The following DTWD2 variants were observed in gnomAD, a reference collection of about 807,000 sequenced individuals.
The protein encoded by DTWD2 is DTW motif tRNA-uridine aminocarboxypropyltransferase 2.
In DTWD2, 39 loss-of-function variants were observed where a neutral mutation model predicts 31.8. The ratio of observed to expected loss-of-function variants is 1.22; its 90% CI spans 0.95 to 1.60. The LOEUF is 1.60. DTWD2 is among the 40% of genes most tolerant of loss of function. The pLI is 0.00. For synonymous variants in DTWD2, 180 were observed against 142.8 expected, an observed-to-expected ratio of 1.26 and a Z score of -1.86; for missense variants, 515 against 381.5, an observed-to-expected ratio of 1.35 and a Z score of -2.92.
chr5:118,966,591 ACAT>A (rs1754855150), intron 1 of DTWD2, among the ~76,000 whole-genome samples: 2 of 152,350 alleles, frequency 1.3e-5, no homozygotes, highest in Middle Eastern at 3.4e-3. Flanking sequence ...TATCTTTAGT[ACAT>A]TACATAAGGC....
intron 4 of DTWD2, among the ~76,000 whole-genome samples, chr5:118,905,083 C>A (rs754815187): frequency 6.6e-6 from 1 of 152,114 alleles, no homozygotes; most frequent in Non-Finnish European, 1.5e-5. Context: ...CTAACAACTG[C>A]ATATGTATGT....
chr5:118,840,671 G>A lies in DTWD2; in HGVS notation c.*246C>T. The A allele has an allele frequency of 3.5e-6, 1 of 283,614 alleles. No homozygotes were observed. The highest frequency in any genetic ancestry group is 1.1e-3 in the Middle Eastern group (1 of 914). The allele number at this position is 283,614 out of a possible 1,614,324, so 17.6% of individuals were successfully genotyped here. Reference sequence around the variant, plus strand: ...CAAATCATATTTTAAATTTGGGTTTGAAAACATGTATTAGAGGCACATTTT... The same window carrying A: ...CAAATCATATTTTAAATTTGGGTTTAAAAACATGTATTAGAGGCACATTTT... On this transcript the variant is annotated 3_prime_UTR_variant, in exon 6 of 6. Transcript: ENST00000510708.
intron 1 of DTWD2, among the ~76,000 whole-genome samples, chr5:118,965,744 T>C (rs570711165): frequency 6.6e-6 from 1 of 152,126 alleles, no homozygotes; most frequent in South Asian, 2.1e-4. Context: ...GGCAGCATGC[T>C]CGTTAAGAGT....
At chr5:118,919,937 T>C (rs902963727) in intron 4 of DTWD2, among the ~76,000 whole-genome samples, 37 of 152,270 alleles carry the variant, frequency 2.4e-4, no homozygotes, top group African/African-American at 8.7e-4. Context: ...GAAACAGTAG[T>C]AGAAAACTAG....
intron 3 of DTWD2, among the ~76,000 whole-genome samples, chr5:118,934,272 T>TAAAAAAAAAAA (rs397999089): frequency 1.7e-4 from 4 of 23,562 alleles, no homozygotes; most frequent in African/African-American, 3.3e-4. Flanking sequence ...TTGTCTCCAT[T>TAAAAAAAAAAA]AAAAAAAAAA....
chr5:118,868,878 G>T (rs900854458), intron 4 of DTWD2, among the ~76,000 whole-genome samples: 1 of 151,188 alleles, frequency 6.6e-6, no homozygotes, highest in Non-Finnish European at 1.5e-5. Context: ...TGGGAGGGGA[G>T]GAGATTTTGG....
chr5:118,857,816 A>C (rs1580769888), intron 4 of DTWD2, among the ~76,000 whole-genome samples: 1 of 152,326 alleles, frequency 6.6e-6, no homozygotes, highest in East Asian at 1.9e-4. Flanking sequence ...TGAAGTACAC[A>C]GAAGTCTTTC....
At chr5:118,905,058 A>G (rs1438860789) in intron 4 of DTWD2, among the ~76,000 whole-genome samples, 1 of 152,124 alleles carries the variant, frequency 6.6e-6, no homozygotes, top group Non-Finnish European at 1.5e-5. Context: ...ATCTCAAAAG[A>G]CAGAGCAACC....
chr5:118,977,271 C>T (rs765853205), intron 1 of DTWD2, among the ~76,000 whole-genome samples: 16 of 152,078 alleles, frequency 1.1e-4, no homozygotes, highest in African/African-American at 2.7e-4. Flanking sequence ...CTTTGAAGAT[C>T]GGCACAAGAC....
chr5:118,902,365 G>A (rs183952142), intron 4 of DTWD2, among the ~76,000 whole-genome samples: 56 of 152,066 alleles, frequency 3.7e-4, no homozygotes, highest in African/African-American at 1.2e-3. Flanking sequence ...AAATTATAGC[G>A]CACATGAATA....
intron 4 of DTWD2, among the ~76,000 whole-genome samples, chr5:118,907,331 C>T (rs917513415): frequency 6.6e-6 from 1 of 152,044 alleles, no homozygotes; most frequent in African/African-American, 2.4e-5. Context: ...AGAAACAGAA[C>T]TATTAGGATA....
chr5:118,891,375 C>T (rs1057417148), intron 4 of DTWD2, among the ~76,000 whole-genome samples: 2 of 152,090 alleles, frequency 1.3e-5, no homozygotes, highest in African/African-American at 2.4e-5. Flanking sequence ...ATGCCAAGCA[C>T]GCCTGCTATG....
At chr5:118,909,274 C>G (rs1193840880) in intron 4 of DTWD2, among the ~76,000 whole-genome samples, 1 of 152,192 alleles carries the variant, frequency 6.6e-6, no homozygotes, top group Non-Finnish European at 1.5e-5. Context: ...TGGAGAAACT[C>G]AACTCAACAG....
rs115939531 is a variant in DTWD2 at position 118,850,350 on chromosome 5, C to T, written c.598-2132G>A. Among the ~76,000 whole-genome samples, 933 of 147,362 alleles carry T rather than the reference C, an allele frequency of 6.3e-3. 16 individuals carry two copies. Among genetic ancestry groups the T allele is most frequent in the African/African-American group, 0.022 (876 of 40,082 alleles). On this transcript the variant is annotated intron_variant, in intron 4 of 5. Coordinates refer to ENST00000510708, the MANE Select transcript of DTWD2 (RefSeq NM_173666.4). ...AAAACATTGCCAGGTGTGGTGCATG[C>T]GCCTATAATCCCAGCTACTTGGGAG...
At chr5:118,984,941 T>C (rs1755390357) in intron 1 of DTWD2, among the ~76,000 whole-genome samples, 1 of 152,124 alleles carries the variant, frequency 6.6e-6, no homozygotes, top group South Asian at 2.1e-4. Context: ...TTTTATAAAA[T>C]AAAAAAGTAT....
intron 1 of DTWD2, among the ~76,000 whole-genome samples, chr5:118,972,607 C>T (rs1755013038): frequency 6.6e-6 from 1 of 152,168 alleles, no homozygotes; most frequent in African/African-American, 2.4e-5. Flanking sequence ...AGAAGGAACT[C>T]CTCCCAAACT....
At chr5:118,852,115 C>G (rs575637215) in intron 4 of DTWD2, among the ~76,000 whole-genome samples, 6 of 152,126 alleles carry the variant, frequency 3.9e-5, no homozygotes, top group African/African-American at 1.4e-4. Context: ...CCTACTTGCA[C>G]CTCCGTTTAT....
chr5:118,915,475 C>T (rs1431524823), intron 4 of DTWD2, among the ~76,000 whole-genome samples: 1 of 151,370 alleles, frequency 6.6e-6, no homozygotes, highest in African/African-American at 2.4e-5. Flanking sequence ...CCCAGGTTCA[C>T]GCCATTCTCC....
At chr5:118,851,405 C>T (rs1329016945) in intron 4 of DTWD2, among the ~76,000 whole-genome samples, 3 of 151,804 alleles carry the variant, frequency 2.0e-5, no homozygotes, top group African/African-American at 7.3e-5. Context: ...GACCGTGATG[C>T]CCACCTGAGT....
Sources: allele counts gnomAD v4.1 joint callset (sites outside exome capture counted in the v4.1 genomes callset), GRCh38; gene constraint gnomAD v4.1.1; transcripts MANE v1.5; gene names NCBI Gene and HGNC (gene_info 2026-07-23, HGNC 2026-07-21).